Variants in MCM9 observed in about 807,000 individuals in gnomAD.
The protein encoded by MCM9 is DNA helicase MCM9.
In MCM9, 55 loss-of-function variants were observed where a neutral mutation model predicts 72.8. The observed-to-expected ratio is 0.76, with a 90% CI of 0.61 to 0.95. MCM9 has a LOEUF of 0.95. MCM9 is among the 40% of genes least tolerant of loss of function. The probability of loss-of-function intolerance (pLI) is 0.00; values close to 1 mark genes in which losing one functional copy is unlikely to be tolerated. For missense variants in MCM9, 1,279 were observed against 1,377.0 expected (o/e 0.93, Z 1.13); for synonymous variants, 480 against 503.4 (o/e 0.95, Z 0.62).
chr6:118,923,108 C>A (rs1218430757), intron 4 of MCM9, among the ~76,000 whole-genome samples: 1 of 149,162 alleles, frequency 6.7e-6, no homozygotes, highest in Non-Finnish European at 1.5e-5. Flanking sequence ...CAACAGTGAA[C>A]TAGCCTTGAA....
At chr6:118,891,995 C>T (rs1194994372) in intron 8 of MCM9, among the ~76,000 whole-genome samples, 1 of 152,200 alleles carries the variant, frequency 6.6e-6, no homozygotes, top group Non-Finnish European at 1.5e-5. Flanking sequence ...AGTTGTTCAG[C>T]AACAAGTCCT....
intron 8 of MCM9, among the ~76,000 whole-genome samples, chr6:118,864,551 A>G (rs151078256): frequency 0.026 from 3,885 of 152,062 alleles, 69 homozygotes; most frequent in Non-Finnish European, 0.038. Context: ...ACTCCTACAC[A>G]CTGGGCGACT....
chr6:118,815,759 CAG>C lies in MCM9; in HGVS notation c.2495_2496del (p.Ser832CysfsTer2). ...GTCAGTACTGAGTCTGGTTTATCAG[CAG>C]AGACTGCTGCTTCAGAATCTAGTGC... Reference protein sequence around the residue: ...RLALDSEAAVSADKPDSVLTH... With the variant: ...RLALDSEAAVXADKPDSVLTH... On this transcript the variant is annotated frameshift_variant, in exon 14 of 14. Transcript: ENST00000619706. LOFTEE classifies it low-confidence loss of function (END_TRUNC). The C allele has an allele frequency of 6.5e-7, 1 of 1,542,448 alleles. No homozygotes were observed. The highest frequency in any genetic ancestry group is 8.7e-7 in the Non-Finnish European group (1 of 1,146,998).
intron 8 of MCM9, among the ~76,000 whole-genome samples, chr6:118,866,280 T>C (rs959400702): frequency 2.0e-5 from 3 of 152,118 alleles, no homozygotes; most frequent in African/African-American, 7.2e-5. Flanking sequence ...TCTTATCTAA[T>C]ACACAGAAAC....
At chr6:118,871,285 A>C (rs1273954036) in intron 8 of MCM9, among the ~76,000 whole-genome samples, 9 of 152,232 alleles carry the variant, frequency 5.9e-5, no homozygotes. Context: ...CACCATAATC[A>C]GGTAGTATTT....
rs1466545274 is a variant in MCM9, at chr6:118,911,380, C to T, written c.1150+270G>A. 4.3e-6 allele frequency: 5 copies of T among 1,156,366 alleles called. No individual in the cohort carries two copies. In the African/African-American group the frequency reaches 4.8e-5, roughly 11 times the overall value. 71.6% of individuals were successfully genotyped at this position (1,156,366 alleles called of 1,614,324 possible). ...TTGATAAAATGCCAGATGATACGGA[C>T]TTTTTCCTGCATAAAAGTATGAAGG... is the stretch of plus-strand genomic sequence containing the variant. On this transcript the variant is annotated intron_variant, in intron 8 of 13. Transcript: ENST00000619706.
At chr6:118,888,381 G>A (rs973496697) in intron 8 of MCM9, among the ~76,000 whole-genome samples, 9 of 152,098 alleles carry the variant, frequency 5.9e-5, no homozygotes, top group African/African-American at 2.2e-4. Flanking sequence ...CAGCTACTCG[G>A]GAGGCTAAGG....
chr6:118,843,658 GTATATATATATGTA>G (rs1775598136), intron 9 of MCM9, among the ~76,000 whole-genome samples: 7 of 21,592 alleles, frequency 3.2e-4, no homozygotes, highest in African/African-American at 1.1e-3. Flanking sequence ...ATATATATGT[GTATATATATATGTA>G]TGTATATATA....
chr6:118,914,931 GATTATA>G (rs1780821317), intron 6 of MCM9, among the ~76,000 whole-genome samples: 1 of 152,208 alleles, frequency 6.6e-6, no homozygotes, highest in Non-Finnish European at 1.5e-5. Flanking sequence ...GCAAAATGGA[GATTATA>G]ATGGTATCAA....
At chr6:118,816,373 G>A (rs2114490676) in intron 13 of MCM9, 79 bp from the exon 14 acceptor site, 2 of 1,221,534 alleles carry the variant, frequency 1.6e-6, no homozygotes, top group Non-Finnish European at 2.2e-6. Context: ...TTTAGTCTCT[G>A]AGATACCATC....
rs748974490 is a variant in MCM9, at chr6:118,815,727, A to C, written c.2529T>G (p.His843Gln). The C allele has an allele frequency of 8.4e-6, 13 of 1,545,098 alleles. No individual in the cohort carries two copies. In the East Asian group the frequency reaches 2.4e-4, roughly 29 times the overall value. ...ACAGCTTCTGCAGGTTCCTGGGGAC[A>C]TGATGAGTCAGTACTGAGTCTGGTT... is the stretch of plus-strand genomic sequence containing the variant. ...ADKPDSVLTH[H>Q]VPRNLQKLCK... The change falls in exon 14 of 14, where the codon CAT (histidine) becomes CAG (glutamine). Residue 843 changes from histidine to glutamine, a missense_variant. Physicochemically the swap from His to Gln is conservative, Grantham distance 24 (BLOSUM62 0). Coordinates refer to ENST00000619706, the MANE Select transcript of MCM9 (RefSeq NM_017696.3).
Position 118,924,235 on chromosome 6 carries a change from A to T in MCM9, c.305-108T>A, listed in dbSNP as rs1008734167. On this transcript the variant is annotated intron_variant, in intron 3 of 13. Coordinates refer to ENST00000619706, the MANE Select transcript of MCM9 (RefSeq NM_017696.3). Reference sequence around the variant, plus strand: ...AAGATAAATTTTAATTTCAGGGGGAAAAAAAAGATTGTGTTTTACTAAGAA... The same window carrying T: ...AAGATAAATTTTAATTTCAGGGGGATAAAAAAGATTGTGTTTTACTAAGAA... The T allele has an allele frequency of 3.0e-6, 3 of 1,005,296 alleles. No individual in the cohort carries two copies. In the African/African-American group the frequency reaches 4.8e-5, roughly 16 times the overall value. The allele number at this position is 1,005,296 out of a possible 1,614,324, so 62.3% of individuals were successfully genotyped here.
intron 9 of MCM9, among the ~76,000 whole-genome samples, chr6:118,829,708 C>T (rs1009194992): frequency 6.6e-6 from 1 of 152,126 alleles, no homozygotes; most frequent in Non-Finnish European, 1.5e-5. Flanking sequence ...TGAACTGAAC[C>T]TTTCAAGACC....
chr6:118,866,130 C>T, intron 8 of MCM9, among the ~76,000 whole-genome samples: 1 of 152,184 alleles, frequency 6.6e-6, no homozygotes, highest in East Asian at 1.9e-4. Context: ...ATCTTAAGCT[C>T]CACAGTGCAA....
At chr6:118,832,960 T>C (rs1774678560) in intron 9 of MCM9, among the ~76,000 whole-genome samples, 1 of 152,236 alleles carries the variant, frequency 6.6e-6, no homozygotes, top group Admixed American at 6.5e-5. Flanking sequence ...GAAGTAGGGC[T>C]ATGATACCAA....
At chr6:118,872,903 T>G (rs1403179632) in intron 8 of MCM9, among the ~76,000 whole-genome samples, 3 of 151,978 alleles carry the variant, frequency 2.0e-5, no homozygotes, top group African/African-American at 7.2e-5. Context: ...GTGGAATGAT[T>G]CACGCCTGTA....
In MCM9 at chr6:118,813,558, G is replaced by A. The variant is rs538771347; in HGVS notation, c.*1266C>T. ...GTTTTCAATGCGTGAATTGAATGAA[G>A]TGAAAATTAAACAAAATACATATAG... On this transcript the variant is annotated 3_prime_UTR_variant, in exon 14 of 14. Transcript: ENST00000619706. The A allele has an allele frequency of 2.0e-5, 3 of 152,272 alleles. No homozygotes were observed. The highest frequency in any genetic ancestry group is 1.3e-4 in the Admixed American group (2 of 15,276). 9.4% of individuals were successfully genotyped at this position (152,272 alleles called of 1,614,324 possible).
chr6:118,895,364 C>G (rs1436929243), intron 8 of MCM9, among the ~76,000 whole-genome samples: 1 of 152,184 alleles, frequency 6.6e-6, no homozygotes, highest in African/African-American at 2.4e-5. Flanking sequence ...AGAAATAGAG[C>G]TGAGGTAGGA....
rs546239012 is a variant in MCM9, at chr6:118,817,776, T to A, written c.1962-1482A>T. ...ACCAACAACGTAGAAGCATTCCTAT[T>A]TCTCCACAGCCTAGCCACCATCTGT... On this transcript the variant is annotated intron_variant, in intron 13 of 13. Coordinates refer to ENST00000619706, the MANE Select transcript of MCM9 (RefSeq NM_017696.3). Among the ~76,000 whole-genome samples, 12 of 152,364 alleles carry A rather than the reference T, an allele frequency of 7.9e-5. No homozygotes were observed. The South Asian group carries it at 2.3e-3, about 29-fold the overall frequency.
Sources: gnomAD v4.1 joint callset for allele counts (sites outside exome capture counted in the v4.1 genomes callset) on GRCh38, gnomAD v4.1.1 for gene constraint, MANE v1.5 for transcripts, NCBI Gene and HGNC (gene_info 2026-07-23, HGNC 2026-07-21) for gene names.